PCDHGA3: variants seen among roughly 807,000 people sequenced by gnomAD.
PCDHGA3 encodes the protein protocadherin gamma-A3.
In PCDHGA3, 40 loss-of-function variants were observed where a neutral mutation model predicts 58.5. That is an observed-to-expected ratio of 0.68 (90% CI 0.53 to 0.89). PCDHGA3 has a LOEUF of 0.89. Among genes scored for constraint, PCDHGA3 ranks in the 40% least tolerant of loss-of-function variants. PCDHGA3 has a pLI of 0.00. For synonymous variants in PCDHGA3, 530 were observed against 525.7 expected, an observed-to-expected ratio of 1.01 and a Z score of -0.11; for missense variants, 1,223 against 1,195.9, an observed-to-expected ratio of 1.02 and a Z score of -0.33.
At chr5:141,389,843 G>T (rs372102656) in intron 1 of PCDHGA3, 3 of 1,614,016 alleles carry the variant, frequency 1.9e-6, no homozygotes, top group Non-Finnish European at 2.5e-6. Context: ...CACCACTCTC[G>T]GCCACTGCCA....
At position 141,511,235 on chromosome 5, in the gene PCDHGA3, C is replaced by G; in HGVS notation, c.*62C>G. On this transcript the variant is annotated 3_prime_UTR_variant, in exon 4 of 4. Transcript: ENST00000253812. ...CCCCAACCAGCCCAGCTTCTCCTTA[C>G]CTGCACCCAGGCCTCAGAGTTTCAG... 2 of 1,592,936 alleles carry G rather than the reference C, an allele frequency of 1.3e-6. No homozygotes were observed. The highest frequency in any genetic ancestry group is 1.7e-6 in the Non-Finnish European group (2 of 1,169,652).
At chr5:141,450,676 G>A (rs1174388119) in intron 1 of PCDHGA3, among the ~76,000 whole-genome samples, 5 of 151,796 alleles carry the variant, frequency 3.3e-5, no homozygotes, top group African/African-American at 7.3e-5. Flanking sequence ...TAGTAGAAAC[G>A]GGGTTTTGCC....
At chr5:141,377,770 T>A (rs1774342115) in intron 1 of PCDHGA3, 1 of 152,210 alleles carries the variant, frequency 6.6e-6, no homozygotes, top group South Asian at 2.1e-4. Flanking sequence ...ATCTTTGGTG[T>A]TAAAAGACCT....
chr5:141,422,997 C>G, intron 1 of PCDHGA3: 1 of 1,614,218 alleles, frequency 6.2e-7, no homozygotes, highest in South Asian at 1.1e-5. Flanking sequence ...ACCTGGTGAC[C>G]AAGGTGGTTG....
intron 1 of PCDHGA3, chr5:141,389,294 A>T (rs776760884): frequency 1.2e-6 from 2 of 1,613,964 alleles, no homozygotes; most frequent in Non-Finnish European, 1.7e-6. Flanking sequence ...CCTCTATTTC[A>T]CAAGTCAGGG....
intron 1 of PCDHGA3, chr5:141,422,096 C>T: frequency 6.2e-7 from 1 of 1,610,710 alleles, no homozygotes; most frequent in Non-Finnish European, 8.5e-7. Context: ...AGCAAGGCTT[C>T]TGAAATATTC....
At chr5:141,443,547 T>C (rs1210940890) in intron 1 of PCDHGA3, among the ~76,000 whole-genome samples, 2 of 152,192 alleles carry the variant, frequency 1.3e-5, no homozygotes, top group Non-Finnish European at 2.9e-5. Context: ...TGGGAAATTG[T>C]TCCAATTCAA....
intron 1 of PCDHGA3, chr5:141,419,487 G>T: frequency 6.2e-7 from 1 of 1,612,378 alleles, no homozygotes. Context: ...CCCGCGCTCA[G>T]CGCCAATGTG....
chr5:141,452,533 A>G lies in PCDHGA3; in HGVS notation c.2425-42274A>G, dbSNP rs562306062. ...CACACTCCCTCAAAATCGTGAGTTC[A>G]TATTGATACCTCCAGTTCTGGTTCT... On this transcript the variant is annotated intron_variant, in intron 1 of 3. Transcript: ENST00000253812. Among the ~76,000 whole-genome samples the G allele has an allele frequency of 2.0e-5, 3 of 152,328 alleles. No individual in the cohort carries two copies. The East Asian group carries it at 5.8e-4, about 29-fold the overall frequency.
chr5:141,396,025 T>G (rs1486088514), intron 1 of PCDHGA3: 4 of 152,248 alleles, frequency 2.6e-5, no homozygotes, highest in African/African-American at 2.4e-5. Context: ...TTGTAAAATA[T>G]GTAAGAACAT....
At chr5:141,418,463 C>G in intron 1 of PCDHGA3, 1 of 1,613,944 alleles carries the variant, frequency 6.2e-7, no homozygotes, top group South Asian at 1.1e-5. Context: ...GACTCTGGAC[C>G]GAGAAACGCA....
intron 1 of PCDHGA3, among the ~76,000 whole-genome samples, chr5:141,443,156 A>G (rs1059029): frequency 0.29 from 44,047 of 151,812 alleles, 7,376 homozygotes; most frequent in African/African-American, 0.47. Flanking sequence ...ACTGCATTTT[A>G]TTTCCCTACC....
At chr5:141,386,994 AT>A (rs1291262145) in intron 1 of PCDHGA3, among the ~76,000 whole-genome samples, 1 of 152,224 alleles carries the variant, frequency 6.6e-6, no homozygotes, top group Non-Finnish European at 1.5e-5. Flanking sequence ...GCTATGTATT[AT>A]CCCCCTGATA....
At chr5:141,424,036 C>T (rs2096796408) in intron 1 of PCDHGA3, 1 of 1,029,488 alleles carries the variant, frequency 9.7e-7, no homozygotes, top group Non-Finnish European at 1.2e-6. Flanking sequence ...CTTTTTATTT[C>T]CATTTCAATT....
At chr5:141,366,181 T>C (rs1310080502) in intron 1 of PCDHGA3, 4 of 1,613,836 alleles carry the variant, frequency 2.5e-6, no homozygotes, top group African/African-American at 1.3e-5. Context: ...CAGGACTCTT[T>C]GCGGTTGGGC....
intron 1 of PCDHGA3, chr5:141,394,606 C>T (rs747606142): frequency 3.1e-6 from 5 of 1,613,486 alleles, no homozygotes; most frequent in Admixed American, 1.7e-5. Context: ...GACAGAGACT[C>T]GGGCCAGAAC....
intron 1 of PCDHGA3, chr5:141,384,651 C>G (rs138410124): frequency 1.2e-6 from 2 of 1,614,076 alleles, no homozygotes; most frequent in Non-Finnish European, 1.7e-6. Context: ...CCGCAGAGCC[C>G]GGCTACCTGG....
chr5:141,420,846 T>C (rs2096528755), intron 1 of PCDHGA3, among the ~76,000 whole-genome samples: 1 of 152,252 alleles, frequency 6.6e-6, no homozygotes, highest in Non-Finnish European at 1.5e-5. Context: ...GTGTTCTTGG[T>C]AAAGTTTTAA....
Position 141,441,858 on chromosome 5 carries a change from C to T in PCDHGA3, c.2425-52949C>T, listed in dbSNP as rs535716058. The T allele has an allele frequency of 6.0e-5, 21 of 349,416 alleles. No homozygotes were observed. The East Asian group carries it at 7.4e-4, about 12-fold the overall frequency. The allele number at this position is 349,416 out of a possible 1,614,324, so 21.6% of individuals were successfully genotyped here. On this transcript the variant is annotated intron_variant, in intron 1 of 3. Coordinates refer to ENST00000253812, the MANE Select transcript of PCDHGA3 (RefSeq NM_018916.4). ...TCGCGCTCTTGGATATGGTGCTGCA[C>T]GCCGCGGAGCCTGGCTACCTGGTCA...
Sources: gnomAD v4.1 joint callset for allele counts (sites outside exome capture counted in the v4.1 genomes callset) on GRCh38, gnomAD v4.1.1 for gene constraint, MANE v1.5 for transcripts, NCBI Gene and HGNC (gene_info 2026-07-23, HGNC 2026-07-21) for gene names.